Variants in GDA observed in about 807,000 individuals in gnomAD.
GDA encodes cytoplasmic PSD-95 interactor.
A neutral mutation model predicts 59.6 loss-of-function variants in GDA; 18 were observed. The ratio of observed to expected loss-of-function variants is 0.30; its 90% CI spans 0.21 to 0.45. The LOEUF is 0.45. Ranked by LOEUF, GDA falls within the 20% of genes least tolerant of loss-of-function variation. GDA has a pLI of 1.00. For missense variants in GDA, 427 were observed against 552.3 expected, an observed-to-expected ratio of 0.77 and a Z score of 2.27; for synonymous variants, 201 against 201.1, an observed-to-expected ratio of 1.00 and a Z score of 0.00.
At chr9:72,226,854 A>G (rs1363706723) in intron 8 of GDA, among the ~76,000 whole-genome samples, 1 of 152,170 alleles carries the variant, frequency 6.6e-6, no homozygotes, top group South Asian at 2.1e-4. Context: ...CTGGTGGCTC[A>G]TGTCTGTAAT....
chr9:72,179,937 G>A (rs1453225073), intron 1 of GDA, among the ~76,000 whole-genome samples: 2 of 151,488 alleles, frequency 1.3e-5, no homozygotes, highest in East Asian at 3.9e-4. Context: ...CCTCTGTAAA[G>A]ATGTTATCTC....
intron 3 of GDA, among the ~76,000 whole-genome samples, chr9:72,205,050 G>A (rs1218993873): frequency 7.0e-6 from 1 of 142,016 alleles, no homozygotes; most frequent in African/African-American, 2.6e-5. Context: ...GGAGGAGGTT[G>A]TAGTGAGCCA....
Position 72,198,846 on chromosome 9 carries a change from G to GATAGATATATATATATATATATAT in GDA, c.212+3261_212+3262insGATATATATATATATATATATATA, listed in dbSNP as rs1554669169. On this transcript the variant is annotated intron_variant, in intron 2 of 13. Transcript: ENST00000358399. ...ATGTTCTGATAAGCATATATAGGGG[G>GATAGATATATATATATATATATAT]ATATATATATATATAAAATTTTTTT... 2.5e-3 allele frequency among the ~76,000 whole-genome samples: 321 copies of GATAGATATATATATATATATATAT among 128,624 alleles called. 4 individuals are homozygous for GATAGATATATATATATATATATAT. The highest frequency in any genetic ancestry group is 0.01 in the African/African-American group (272 of 26,276). 84.4% of individuals were successfully genotyped at this position (128,624 alleles called of 152,430 possible).
intron 1 of GDA, among the ~76,000 whole-genome samples, chr9:72,138,724 G>A (rs1277047555): frequency 3.3e-5 from 5 of 152,180 alleles, no homozygotes; most frequent in Non-Finnish European, 7.3e-5. Context: ...TATCTTATAA[G>A]CTTCTTAAGG....
chr9:72,199,415 C>T (rs750381021), intron 2 of GDA, among the ~76,000 whole-genome samples: 6 of 152,304 alleles, frequency 3.9e-5, no homozygotes, highest in Admixed American at 6.5e-5. Context: ...TAAATCCTTG[C>T]GCTTCTGTTG....
At chr9:72,196,309 C>T (rs1218389852) in intron 2 of GDA, among the ~76,000 whole-genome samples, 2 of 151,624 alleles carry the variant, frequency 1.3e-5, no homozygotes, top group African/African-American at 4.8e-5. Context: ...GGTGAAACCC[C>T]GTCTCTACTA....
At chr9:72,221,594 G>T (rs1056753282) in intron 6 of GDA, among the ~76,000 whole-genome samples, 2 of 152,126 alleles carry the variant, frequency 1.3e-5, no homozygotes, top group African/African-American at 2.4e-5. Context: ...TACATATGCA[G>T]GTTTGTTTAC....
chr9:72,192,577 A>G lies in GDA; in HGVS notation c.124-2923A>G, dbSNP rs552462744. ...CACAAATTTTTTCTTCTGCTTGATCAATTCTACTATTAAAACACTCTGGGC... is the reference window on the plus strand; with the variant it reads ...CACAAATTTTTTCTTCTGCTTGATCGATTCTACTATTAAAACACTCTGGGC... On this transcript the variant is annotated intron_variant, in intron 1 of 13. Coordinates refer to ENST00000358399, the MANE Select transcript of GDA (RefSeq NM_004293.5). Among the ~76,000 whole-genome samples, 48 of 150,570 alleles carry G rather than the reference A, an allele frequency of 3.2e-4. 1 individual carries two copies. The highest frequency in any genetic ancestry group is 6.9e-3 in the Middle Eastern group (2 of 288).
At chr9:72,226,097 G>A (rs1837549333) in intron 8 of GDA, among the ~76,000 whole-genome samples, 1 of 151,668 alleles carries the variant, frequency 6.6e-6, no homozygotes, top group African/African-American at 2.4e-5. Flanking sequence ...ATTGAAGATG[G>A]GAATGTCATT....
intron 2 of GDA, among the ~76,000 whole-genome samples, chr9:72,196,220 C>T (rs967807455): frequency 1.3e-5 from 2 of 151,870 alleles, no homozygotes; most frequent in Admixed American, 6.6e-5. Flanking sequence ...GTGTCTCATA[C>T]CTGTAATCCT....
intron 10 of GDA, among the ~76,000 whole-genome samples, chr9:72,239,013 T>C (rs1335655379): frequency 2.0e-5 from 3 of 152,196 alleles, no homozygotes; most frequent in Non-Finnish European, 4.4e-5. Flanking sequence ...ATATTCGTGA[T>C]TTCTCTTTCT....
chr9:72,135,819 C>T (rs1826203673), intron 1 of GDA, among the ~76,000 whole-genome samples: 1 of 151,874 alleles, frequency 6.6e-6, no homozygotes, highest in Non-Finnish European at 1.5e-5. Flanking sequence ...CCATGTTGGC[C>T]GGGCTGCTCT....
intron 1 of GDA, among the ~76,000 whole-genome samples, chr9:72,154,323 A>G (rs1018672548): frequency 6.6e-6 from 1 of 152,148 alleles, no homozygotes; most frequent in African/African-American, 2.4e-5. Context: ...TCCTTTTGCT[A>G]TTTATTAAAT....
chr9:72,152,832 G>T (rs1397120898), intron 1 of GDA, among the ~76,000 whole-genome samples: 28 of 151,434 alleles, frequency 1.8e-4, no homozygotes, highest in African/African-American at 6.1e-4. Context: ...TTGTTGCCAT[G>T]GCTTTTGGTG....
intron 10 of GDA, among the ~76,000 whole-genome samples, chr9:72,231,438 G>A (rs1237734146): frequency 6.6e-6 from 1 of 151,916 alleles, no homozygotes; most frequent in South Asian, 2.1e-4. Flanking sequence ...GGCAGTGTGC[G>A]CCTGTAGTCT....
At chr9:72,151,882 C>A (rs1193410670) in intron 1 of GDA, among the ~76,000 whole-genome samples, 1 of 152,140 alleles carries the variant, frequency 6.6e-6, no homozygotes, top group African/African-American at 2.4e-5. Context: ...GGATTACAGG[C>A]GTGAGCCACC....
At chr9:72,197,859 C>T (rs537965314) in intron 2 of GDA, among the ~76,000 whole-genome samples, 15 of 152,106 alleles carry the variant, frequency 9.9e-5, no homozygotes, top group Non-Finnish European at 1.8e-4. Context: ...AGTGTATCTA[C>T]AGGTCTATCT....
At chr9:72,206,537 C>T (rs1418319981) in intron 3 of GDA, among the ~76,000 whole-genome samples, 1 of 152,112 alleles carries the variant, frequency 6.6e-6, no homozygotes, top group Non-Finnish European at 1.5e-5. Context: ...CTTTGAGAGG[C>T]CTAGGCGGAC....
At chr9:72,170,714 G>T (rs537587779) in intron 1 of GDA, among the ~76,000 whole-genome samples, 2 of 152,262 alleles carry the variant, frequency 1.3e-5, no homozygotes, top group East Asian at 3.9e-4. Context: ...AACTTTTAAG[G>T]AGTGCTTGCT....
Sources: allele counts gnomAD v4.1 joint callset (sites outside exome capture counted in the v4.1 genomes callset), GRCh38; gene constraint gnomAD v4.1.1; transcripts MANE v1.5; gene names NCBI Gene and HGNC (gene_info 2026-07-23, HGNC 2026-07-21).